Variants in ATP13A2 observed in about 807,000 individuals in gnomAD.
ATP13A2 encodes polyamine-transporting ATPase 13A2.
ATP13A2 carries 83 observed loss-of-function variants against 138.3 expected under a neutral mutation model. That is an observed-to-expected ratio of 0.60 (90% confidence interval 0.50 to 0.72). ATP13A2 has a LOEUF of 0.72. Among genes scored for constraint, ATP13A2 ranks in the 30% least tolerant of loss-of-function variants. The pLI is 0.00. For missense variants in ATP13A2, 1,402 were observed against 1,606.4 expected, an observed-to-expected ratio of 0.87 and a Z score of 2.17; for synonymous variants, 663 against 699.0, an observed-to-expected ratio of 0.95 and a Z score of 0.81.
At position 17,004,961 on chromosome 1, in the gene ATP13A2, G is replaced by T; in HGVS notation, c.347+53C>A. 1 of 1,612,216 alleles carries T rather than the reference G, an allele frequency of 6.2e-7. No homozygotes were observed. ...GGGGGGGCCGAGGGTTGGGGAAGTT[G>T]GGGAGGCCAGGGTAGCAGGGGCTTC... is the stretch of plus-strand genomic sequence containing the variant. On this transcript the variant is annotated intron_variant, in intron 4 of 28. Coordinates refer to ENST00000326735, the MANE Select transcript of ATP13A2 (RefSeq NM_022089.4). The surrounding 1 kb of genome is among the most constrained non-coding windows in gnomAD (Gnocchi z 4.1).
Position 17,011,909 on chromosome 1 carries a change from C to T in ATP13A2, c.-171G>A, listed in dbSNP as rs1350517492. 2 of 471,916 alleles carry T rather than the reference C, an allele frequency of 4.2e-6. No homozygotes were observed. The highest frequency in any genetic ancestry group is 4.2e-5 in the African/African-American group (2 of 47,224). 29.2% of individuals were successfully genotyped at this position (471,916 alleles called of 1,614,324 possible). A position where few individuals can be genotyped will look rare whatever the true frequency, so the allele number is the denominator to read the frequency against. ...CGGGCGGGGCACCTGGGCCACCAGG[C>T]TCGGCGCGGCTCCGACACTGCCGCA... On this transcript the variant is annotated 5_prime_UTR_variant, in exon 1 of 29. Transcript: ENST00000326735. This position sits in a 1 kb window ranked among gnomAD's most constrained non-coding sequence, Gnocchi z 7.3.
chr1:16,995,949 C>G lies in ATP13A2; in HGVS notation c.1542+27G>C, dbSNP rs1433762999. 1 of 1,613,390 alleles carries G rather than the reference C, an allele frequency of 6.2e-7. No homozygotes were observed. Among genetic ancestry groups the G allele is most frequent in the Non-Finnish European group, 8.5e-7 (1 of 1,179,936 alleles). ...GGGCGCCTGTGGCTGTCCCGCTCCC[C>G]TGCACCAACCCCACCTGCGGCCCCA... On this transcript the variant is annotated intron_variant, in intron 15 of 28. Transcript: ENST00000326735. This position sits in a 1 kb window ranked among gnomAD's most constrained non-coding sequence, Gnocchi z 4.1.
chr1:16,991,617 T>C, intron 20 of ATP13A2, 117 bp downstream of exon 20: 1 of 1,465,632 alleles, frequency 6.8e-7, no homozygotes, highest in Non-Finnish European at 9.5e-7. Context: ...AAAAAGGACC[T>C]GGCCTGAAGC....
intron 11 of ATP13A2, 105 bp from the exon 12 acceptor site, chr1:16,997,280 T>G: frequency 7.2e-7 from 1 of 1,387,162 alleles, no homozygotes. Context: ...CTCAGTTAAC[T>G]CTGTAACCAG....
intron 11 of ATP13A2, among the ~76,000 whole-genome samples, chr1:16,999,380 CA>C (rs67969184): frequency 4.8e-3 from 267 of 56,160 alleles, no homozygotes; most frequent in African/African-American, 0.019. Context: ...AACTCCATCT[CA>C]AAAAAAAAAA....
chr1:16,991,865 G>T lies in ATP13A2; in HGVS notation c.2127-7C>A. On this transcript the variant is annotated splice_region_variant and splice_polypyrimidine_tract_variant and intron_variant, in intron 19 of 28. Transcript: ENST00000326735. ...GTCTCCTTCCACAGTGTCCCTGGAG[G>T]GTGGGCAGACCTGGATCAGAGGTCA... 1 of 1,614,066 alleles carries T rather than the reference G, an allele frequency of 6.2e-7. No homozygotes were observed. The highest frequency in any genetic ancestry group is 8.5e-7 in the Non-Finnish European group (1 of 1,180,036).
chr1:16,999,100 G>A (rs1327939589), intron 11 of ATP13A2, among the ~76,000 whole-genome samples: 1 of 152,232 alleles, frequency 6.6e-6, no homozygotes, highest in East Asian at 1.9e-4. Flanking sequence ...CTCAGATGCA[G>A]CCAGGTGCTA....
rs2077784461 is a variant in ATP13A2, at chr1:17,011,375, CGGGGTGGGATCCGATTAAGTGGGCGT to C, written c.10+328_10+353del. ...CTCCCCCACCTGGACATCCGTCACT[CGGGGTGGGATCCGATTAAGTGGGCGT>C]GGGGTGGCCTCCCCGTCCCCGCACG... On this transcript the variant is annotated intron_variant, in intron 1 of 28. Coordinates refer to ENST00000326735, the MANE Select transcript of ATP13A2 (RefSeq NM_022089.4). This position sits in a 1 kb window ranked among gnomAD's most constrained non-coding sequence, Gnocchi z 7.3. 6.6e-6 allele frequency among the ~76,000 whole-genome samples: 1 copy of C among 152,180 alleles called. No homozygotes were observed. Among genetic ancestry groups the C allele is most frequent in the South Asian group, 2.1e-4 (1 of 4,834 alleles).
In ATP13A2 at chr1:16,996,069, G is replaced by A. The variant is rs750600448; in HGVS notation, c.1449C>T (p.Tyr483=). ...LPAAMTVCTL[Y]AQSRLRRQGI... ...CCTGTCTCCGCAGTCGGCTCTGGGC[G>A]TAGAGCGTGCACACAGTCATGGCAG... Residue 483 remains tyrosine, a synonymous_variant, in exon 15 of 29, where the codon TAC becomes TAT. Coordinates refer to ENST00000326735, the MANE Select transcript of ATP13A2 (RefSeq NM_022089.4). 99 of 1,614,104 alleles carry A rather than the reference G, an allele frequency of 6.1e-5. No homozygotes were observed. The highest frequency in any genetic ancestry group is 2.2e-4 in the Admixed American group (13 of 60,036).
chr1:17,000,217 C>T (rs140087527), intron 10 of ATP13A2, 29 bp downstream of exon 10: 5 of 1,546,510 alleles, frequency 3.2e-6, no homozygotes, highest in East Asian at 4.8e-5. Context: ...CCCACTCCTG[C>T]CCCCGCCCCC....
chr1:16,996,204 G>C (rs1377114934), intron 14 of ATP13A2, 40 bp from the exon 15 acceptor site: 1 of 1,614,024 alleles, frequency 6.2e-7, no homozygotes, highest in East Asian at 2.2e-5. Flanking sequence ...CTGGCTGGTT[G>C]GCCCCTGGGC....
At position 16,986,966 on chromosome 1, in the gene ATP13A2, C is replaced by T. The variant is rs368908107; in HGVS notation, c.3084-10G>A. On this transcript the variant is annotated splice_polypyrimidine_tract_variant and intron_variant, in intron 26 of 28. Transcript: ENST00000326735. The surrounding 1 kb of genome is among the most constrained non-coding windows in gnomAD (Gnocchi z 6.9). The stretch of plus-strand genomic sequence containing the variant: ...GTTCAGAGGCACGAACCTGGGGGTA[C>T]AGGGATGGGGGTCAGGGAACGAACG... 1.2e-5 allele frequency: 19 copies of T among 1,609,688 alleles called. No homozygotes were observed. The East Asian group carries it at 1.3e-4, about 11-fold the overall frequency.
chr1:16,996,979 G>A (rs776412698), intron 12 of ATP13A2, 41 bp downstream of exon 12: 10 of 1,598,206 alleles, frequency 6.3e-6, no homozygotes, highest in South Asian at 5.6e-5. Flanking sequence ...CAAGGGTGCT[G>A]AGCCCGGGAT....
intron 11 of ATP13A2, among the ~76,000 whole-genome samples, chr1:16,998,208 T>A (rs541241646): frequency 6.6e-6 from 1 of 152,060 alleles, no homozygotes; most frequent in South Asian, 2.1e-4. Context: ...AATTACTACT[T>A]TTTTTTTGTT....
At position 16,992,383 on chromosome 1, in the gene ATP13A2, A is replaced by C; in HGVS notation, c.1865T>G (p.Val622Gly). The C allele has an allele frequency of 6.2e-7, 1 of 1,613,668 alleles. No individual in the cohort carries two copies. Among genetic ancestry groups the C allele is most frequent in the Non-Finnish European group, 8.5e-7 (1 of 1,179,926 alleles). Residue 622 changes from valine (V) to glycine (G), a missense_variant, in exon 18 of 29, where the codon GTC becomes GGC. Physicochemically the swap from Val to Gly is moderately radical, Grantham distance 109. Transcript: ENST00000326735. ...LQAMEEPPVPVSVLHRFPFSS... is the reference protein window; with the variant it reads ...LQAMEEPPVPGSVLHRFPFSS... ...GAAGGGGAAGCGGTGGAGGACGCTG[A>C]CTGGCACCGGGGGCTCCTCCTGCAG...
rs1345269003 is a variant in ATP13A2 at position 17,000,033 on chromosome 1, C to G, written c.1017G>C (p.Met339Ile). ...CACCTGTCAGAGAGCTCTCATTCAC[C>G]ATGCACTCGCCGGCCACCAGGGCGG... Reference protein sequence around the residue: ...CDAALVAGECMVNESSLTGES... With the variant: ...CDAALVAGECIVNESSLTGES... The change falls in exon 11 of 29, where the codon ATG (methionine) becomes ATC (isoleucine). Residue 339 changes from methionine (M) to isoleucine (I), a missense_variant. By Grantham distance (10) the Met-to-Ile change is conservative (BLOSUM62 1). Coordinates refer to ENST00000326735, the MANE Select transcript of ATP13A2 (RefSeq NM_022089.4). 1.2e-6 allele frequency: 2 copies of G among 1,611,654 alleles called. No individual in the cohort carries two copies. The highest frequency in any genetic ancestry group is 3.3e-5 in the Admixed American group (2 of 59,822).
At position 16,991,862 on chromosome 1, in the gene ATP13A2, G is replaced by A; in HGVS notation, c.2127-4C>T. 3 of 1,614,110 alleles carry A rather than the reference G, an allele frequency of 1.9e-6. No homozygotes were observed. Among genetic ancestry groups the A allele is most frequent in the Non-Finnish European group, 1.7e-6 (2 of 1,180,046 alleles). ...CAGGTCTCCTTCCACAGTGTCCCTG[G>A]AGGGTGGGCAGACCTGGATCAGAGG... On this transcript the variant is annotated splice_region_variant and splice_polypyrimidine_tract_variant and intron_variant, in intron 19 of 28. Transcript: ENST00000326735.
At chr1:16,992,800 G>A (rs1383498009) in intron 16 of ATP13A2, among the ~76,000 whole-genome samples, 2 of 152,276 alleles carry the variant, frequency 1.3e-5, no homozygotes, top group African/African-American at 2.4e-5. Context: ...CTCAGCATCC[G>A]TGAAGCAACA....
In ATP13A2 at chr1:16,995,211, CA is replaced by C. The variant is rs2077076078; in HGVS notation, c.1542+764del. Among the ~76,000 whole-genome samples, 2 of 152,300 alleles carry C rather than the reference CA, an allele frequency of 1.3e-5. No individual in the cohort carries two copies. The highest frequency in any genetic ancestry group is 6.8e-3 in the Middle Eastern group (2 of 294). ...CACTGAGGTCACTGAGGGACCTGCT[CA>C]GGGGGCTTCCTTGACTGCCTTCTCT... On this transcript the variant is annotated intron_variant, in intron 15 of 28. Transcript: ENST00000326735. This position sits in a 1 kb window ranked among gnomAD's most constrained non-coding sequence, Gnocchi z 4.1.
Sources: allele counts gnomAD v4.1 joint callset (sites outside exome capture counted in the v4.1 genomes callset), GRCh38; gene constraint gnomAD v4.1.1; non-coding constraint Gnocchi (gnomAD v3.1); transcripts MANE v1.5; gene names NCBI Gene and HGNC (gene_info 2026-07-23, HGNC 2026-07-21).